Variants in KMT5B observed in about 807,000 individuals in gnomAD.
KMT5B encodes the protein histone-lysine N-methyltransferase KMT5B.
A neutral mutation model predicts 83.2 loss-of-function variants in KMT5B; 10 were observed. That is an observed-to-expected ratio of 0.12 (90% CI 0.07 to 0.20). The LOEUF is 0.20. Among genes scored for constraint, KMT5B ranks in the 10% least tolerant of loss-of-function variants. The pLI is 1.00. For missense variants in KMT5B, 753 were observed against 1,067.2 expected, an observed-to-expected ratio of 0.71 and a Z score of 4.10; for synonymous variants, 349 against 388.8, an observed-to-expected ratio of 0.90 and a Z score of 1.20.
intron 1 of KMT5B, among the ~76,000 whole-genome samples, chr11:68,203,949 CATG>C (rs1416661421): frequency 5.3e-5 from 8 of 152,104 alleles, no homozygotes; most frequent in Non-Finnish European, 1.0e-4. Flanking sequence ...TACAAATGTC[CATG>C]ATATTATCAT....
At chr11:68,204,087 G>C (rs185503740) in intron 1 of KMT5B, among the ~76,000 whole-genome samples, 80 of 152,150 alleles carry the variant, frequency 5.3e-4, no homozygotes, top group African/African-American at 1.9e-3. Context: ...AGAGAATAGC[G>C]TCTGAAGCTG....
rs758513919 is a variant in KMT5B, at chr11:68,171,074, A to G, written c.918T>C (p.Tyr306=). Reference sequence around the variant, plus strand: ...TTTCTCCAAAGAACCCATCTCCATAATAACAAGAAATTTCTTCTCCAGGTT... The same window carrying G: ...TTTCTCCAAAGAACCCATCTCCATAGTAACAAGAAATTTCTTCTCCAGGTT... ...DIEPGEEISC[Y]YGDGFFGENN... The change falls in exon 9 of 11, where the codon TAT becomes TAC. Residue 306 remains tyrosine, a synonymous_variant. Coordinates refer to ENST00000304363, the MANE Select transcript of KMT5B (RefSeq NM_017635.5). This position sits in a 1 kb window ranked among gnomAD's most constrained non-coding sequence, Gnocchi z 5.1. 3 of 1,608,030 alleles carry G rather than the reference A, an allele frequency of 1.9e-6. No homozygotes were observed. The highest frequency in any genetic ancestry group is 1.1e-5 in the South Asian group (1 of 89,168).
rs777258092 is a variant in KMT5B, at chr11:68,175,039, C to T, written c.522G>A (p.Gln174=). ...RHYFLNKNKM[Q]EKLFKEHVFI... is the part of the protein sequence containing the mutation. The stretch of plus-strand genomic sequence containing the variant: ...TTACATGTTCTTTGAATAATTTCTC[C>T]TGCATTTTATTCTTGTTGAGAAAAT... Residue 174 remains glutamine (Q), a synonymous_variant, in exon 5 of 11, where the codon CAG becomes CAA. Transcript: ENST00000304363. 2.5e-6 allele frequency: 4 copies of T among 1,613,794 alleles called. No homozygotes were observed. The highest frequency in any genetic ancestry group is 3.4e-6 in the Non-Finnish European group (4 of 1,179,816).
chr11:68,200,510 G>T (rs1447569076), intron 1 of KMT5B, among the ~76,000 whole-genome samples: 1 of 152,174 alleles, frequency 6.6e-6, no homozygotes, highest in Non-Finnish European at 1.5e-5. Flanking sequence ...GAGGAAGACG[G>T]GGCTTTGCTT....
chr11:68,187,591 T>A (rs1265985828), intron 2 of KMT5B, among the ~76,000 whole-genome samples: 1 of 152,224 alleles, frequency 6.6e-6, no homozygotes, highest in East Asian at 1.9e-4. Flanking sequence ...AAGCTTGTTA[T>A]ACGGTCTAGC....
rs1446765255 is a variant in KMT5B at position 68,157,328 on chromosome 11, T to C, written c.*360A>G. Reference sequence around the variant, plus strand: ...TGTTTTAAATTATTGTTTAGTCATATATTAAAGAGCCAGCTGATGCTCTTA... The same window carrying C: ...TGTTTTAAATTATTGTTTAGTCATACATTAAAGAGCCAGCTGATGCTCTTA... On this transcript the variant is annotated 3_prime_UTR_variant, in exon 11 of 11. Coordinates refer to ENST00000304363, the MANE Select transcript of KMT5B (RefSeq NM_017635.5). The C allele has an allele frequency of 2.9e-5, 5 of 170,434 alleles. No homozygotes were observed. The highest frequency in any genetic ancestry group is 1.9e-4 in the South Asian group (1 of 5,182). 10.6% of individuals were successfully genotyped at this position (170,434 alleles called of 1,614,324 possible).
chr11:68,199,646 CT>C (rs945559292), intron 1 of KMT5B, among the ~76,000 whole-genome samples: 1 of 152,128 alleles, frequency 6.6e-6, no homozygotes, highest in Non-Finnish European at 1.5e-5. Context: ...CTACATGGTA[CT>C]TTAAAAAAGC....
intron 6 of KMT5B, among the ~76,000 whole-genome samples, chr11:68,172,700 C>T (rs1007228745): frequency 5.3e-5 from 8 of 152,130 alleles, no homozygotes; most frequent in African/African-American, 1.9e-4. Flanking sequence ...GGCTACTGTA[C>T]CGGACGGTAC....
chr11:68,206,586 A>G (rs1364547257), intron 1 of KMT5B, among the ~76,000 whole-genome samples: 1 of 152,150 alleles, frequency 6.6e-6, no homozygotes, highest in Non-Finnish European at 1.5e-5. Flanking sequence ...TGAGCAGACG[A>G]GTTATTTAAC....
At chr11:68,188,319 C>G (rs1412934196) in intron 2 of KMT5B, among the ~76,000 whole-genome samples, 3 of 151,764 alleles carry the variant, frequency 2.0e-5, no homozygotes, top group Non-Finnish European at 2.9e-5. Flanking sequence ...CCACCACGCC[C>G]GGCCCGTAAT....
chr11:68,166,893 A>T (rs752091218), intron 10 of KMT5B, 89 bp downstream of exon 10: 7 of 1,544,662 alleles, frequency 4.5e-6, no homozygotes, highest in Non-Finnish European at 6.1e-6. Context: ...TGAGTATTTA[A>T]AAGTTTAAAA....
At chr11:68,189,235 C>T (rs1857776632) in intron 2 of KMT5B, among the ~76,000 whole-genome samples, 1 of 152,236 alleles carries the variant, frequency 6.6e-6, no homozygotes, top group Non-Finnish European at 1.5e-5. Context: ...GGACATATAG[C>T]TGCCTAGTTA....
chr11:68,179,746 C>T (rs867875472), intron 4 of KMT5B: 22 of 740,580 alleles, frequency 3.0e-5, no homozygotes, highest in Middle Eastern at 5.7e-4. Context: ...ACACATTTCC[C>T]CCTCTGAAGA....
At chr11:68,198,599 C>G (rs577968433) in intron 1 of KMT5B, among the ~76,000 whole-genome samples, 7 of 152,254 alleles carry the variant, frequency 4.6e-5, no homozygotes, top group Middle Eastern at 3.4e-3. Context: ...AGCTGGCTCA[C>G]GTGGAAATGT....
At position 68,159,134 on chromosome 11, in the gene KMT5B, ATTC is replaced by A. The variant is rs771110596; in HGVS notation, c.1209_1211del (p.Lys403del). 6.3e-7 allele frequency: 1 copy of A among 1,579,796 alleles called. No homozygotes were observed. Among genetic ancestry groups the A allele is most frequent in the African/African-American group, 1.4e-5 (1 of 72,640 alleles). ...GCCTCGTTAACGTTCTGCTCTTGCT[ATTC>A]TTTTTTACGCCAACTGAAGATTTTC... On this transcript the variant is annotated inframe_deletion, in exon 11 of 11. Coordinates refer to ENST00000304363, the MANE Select transcript of KMT5B (RefSeq NM_017635.5).
intron 1 of KMT5B, among the ~76,000 whole-genome samples, chr11:68,198,867 C>T (rs1180900506): frequency 6.6e-6 from 1 of 152,144 alleles, no homozygotes; most frequent in Non-Finnish European, 1.5e-5. Context: ...GTAGCTGGAA[C>T]TGCAGATGCA....
chr11:68,164,722 C>T (rs765840969), intron 10 of KMT5B: 3 of 503,728 alleles, frequency 6.0e-6, no homozygotes, highest in Non-Finnish European at 1.2e-5. Flanking sequence ...CCAATATCAG[C>T]AGTCCCTGCA....
chr11:68,189,790 A>G (rs975864129), intron 2 of KMT5B, 127 bp downstream of exon 2: 151 of 856,518 alleles, frequency 1.8e-4, no homozygotes, highest in Middle Eastern at 7.6e-4. Flanking sequence ...TAAAAAGACT[A>G]TATTGTTAAT....
intron 10 of KMT5B, chr11:68,164,690 G>A (rs1425172590): frequency 1.9e-6 from 1 of 513,132 alleles, no homozygotes; most frequent in Admixed American, 2.0e-5. Flanking sequence ...TGCAGAAAGG[G>A]AATTTGAATA....
Sources: gnomAD v4.1 joint callset for allele counts (sites outside exome capture counted in the v4.1 genomes callset) on GRCh38, gnomAD v4.1.1 for gene constraint, Gnocchi (gnomAD v3.1) non-coding constraint, MANE v1.5 for transcripts, NCBI Gene and HGNC (gene_info 2026-07-23, HGNC 2026-07-21) for gene names.